HTR4: variants seen among roughly 807,000 people sequenced by gnomAD.
HTR4 encodes the protein 5-hydroxytryptamine receptor 4, also known as 5-hydroxytryptamine (serotonin) receptor 4, G protein-coupled.
HTR4 carries 16 observed loss-of-function variants against 36.8 expected under a neutral mutation model. That is an observed-to-expected ratio of 0.43 (90% confidence interval 0.29 to 0.66). HTR4 has a LOEUF of 0.66. Ranked by LOEUF, HTR4 falls within the 30% of genes least tolerant of loss-of-function variation. The pLI is 0.13. For synonymous variants in HTR4, 189 were observed against 185.1 expected (o/e 1.02, Z -0.17); for missense variants, 438 against 490.9 (o/e 0.89, Z 1.02).
chr5:148,517,098 T>C (rs1365077916), intron 5 of HTR4, among the ~76,000 whole-genome samples: 1 of 152,202 alleles, frequency 6.6e-6, no homozygotes, highest in African/African-American at 2.4e-5. Flanking sequence ...ATTCAGTATG[T>C]TTTATTTAGC....
At chr5:148,480,115 T>A (rs80092883), downstream of HTR4, among the ~76,000 whole-genome samples, 5,439 of 152,304 alleles carry the variant, frequency 0.036, 164 homozygotes, top group South Asian at 0.11. Flanking sequence ...ATGGTCCAAG[T>A]ATTTTCTTCT....
At chr5:148,470,660 G>A (rs554683819) in intron 5 of HTR4, among the ~76,000 whole-genome samples, 1 of 152,272 alleles carries the variant, frequency 6.6e-6, no homozygotes, top group Admixed American at 6.5e-5. Context: ...TTGGCCCACA[G>A]AGCTGTAGTT....
rs111505257 is a variant in HTR4, at chr5:148,466,131, A to C, written c.1077-14859T>G. Among the ~76,000 whole-genome samples, 8 of 152,308 alleles carry C rather than the reference A, an allele frequency of 5.3e-5. 1 individual carries two copies. The highest frequency in any genetic ancestry group is 1.9e-4 in the African/African-American group (8 of 41,562). ...ATGGTTATGCCACAGTGTACGTCTAAAAAGCACACTTAAGTTAGTGTTTCA... is the reference window on the plus strand; with the variant it reads ...ATGGTTATGCCACAGTGTACGTCTACAAAGCACACTTAAGTTAGTGTTTCA... On this transcript the variant is annotated intron_variant, in intron 5 of 5. Transcript: ENST00000521530.
chr5:148,556,123 A>G (rs1272428197), intron 2 of HTR4, among the ~76,000 whole-genome samples: 1 of 152,156 alleles, frequency 6.6e-6, no homozygotes, highest in Non-Finnish European at 1.5e-5. Flanking sequence ...TCCTGGGTTC[A>G]AGTGATTCTC....
At chr5:148,503,315 A>C (rs538406634) in intron 6 of HTR4, among the ~76,000 whole-genome samples, 33 of 152,356 alleles carry the variant, frequency 2.2e-4, no homozygotes, top group African/African-American at 7.5e-4. Flanking sequence ...TCTACAAGCC[A>C]GAAGAGGGTG....
At chr5:148,594,089 C>T (rs1292862390) in intron 2 of HTR4, among the ~76,000 whole-genome samples, 1 of 152,068 alleles carries the variant, frequency 6.6e-6, no homozygotes, top group Non-Finnish European at 1.5e-5. Context: ...CAACAATATT[C>T]TTCTTTTTAG....
At chr5:148,546,035 T>G (rs1258195319) in intron 4 of HTR4, among the ~76,000 whole-genome samples, 1 of 152,140 alleles carries the variant, frequency 6.6e-6, no homozygotes, top group Non-Finnish European at 1.5e-5. Context: ...TAGGATCTCT[T>G]TAGGAAAGAA....
chr5:148,502,199 C>T (rs772899731), intron 6 of HTR4, among the ~76,000 whole-genome samples: 1 of 152,332 alleles, frequency 6.6e-6, no homozygotes, highest in South Asian at 2.1e-4. Context: ...AGACTGCCTC[C>T]TCAAGTGGGT....
intron 2 of HTR4, among the ~76,000 whole-genome samples, chr5:148,560,398 A>G (rs908410759): frequency 6.6e-6 from 1 of 152,148 alleles, no homozygotes; most frequent in Non-Finnish European, 1.5e-5. Flanking sequence ...GGTGAAGACC[A>G]AAATTTTACA....
At chr5:148,506,593 A>G (rs1757228040) in intron 6 of HTR4, among the ~76,000 whole-genome samples, 1 of 152,186 alleles carries the variant, frequency 6.6e-6, no homozygotes, top group African/African-American at 2.4e-5. Flanking sequence ...GGCAACCTAC[A>G]GAATGGGAGA....
intron 2 of HTR4, among the ~76,000 whole-genome samples, chr5:148,622,895 C>A (rs896779654): frequency 1.3e-5 from 2 of 152,152 alleles, no homozygotes; most frequent in Admixed American, 1.3e-4. Flanking sequence ...GAATATTTGT[C>A]ATTTCATAAA....
chr5:148,550,585 A>T (rs757470221), intron 2 of HTR4, among the ~76,000 whole-genome samples: 2 of 152,124 alleles, frequency 1.3e-5, no homozygotes, highest in Non-Finnish European at 1.5e-5. Flanking sequence ...TTGTGCACCT[A>T]CTCAACTAGA....
At chr5:148,591,933 C>A (rs1052231229) in intron 2 of HTR4, among the ~76,000 whole-genome samples, 3 of 152,038 alleles carry the variant, frequency 2.0e-5, no homozygotes, top group Admixed American at 2.0e-4. Context: ...TTTGACCCAG[C>A]AATCCCATTA....
rs529668445 is a variant in HTR4 at position 148,511,619 on chromosome 5, TTGTGTGTGTGTGTG to T, written c.508-1609_508-1596del. On this transcript the variant is annotated intron_variant, in intron 5 of 6. Coordinates refer to ENST00000377888, the MANE Select transcript of HTR4 (RefSeq NM_000870.7). The stretch of plus-strand genomic sequence containing the variant: ...CTGTTATGAATATTCTTGTGGAAGT[TTGTGTGTGTGTGTG>T]TGTGTGTGTGTGTGTGTGTGTGTGT... 6.5e-5 allele frequency among the ~76,000 whole-genome samples: 9 copies of T among 139,346 alleles called. No homozygotes were observed. In the East Asian group the frequency reaches 1.1e-3, roughly 16 times the overall value. The allele number at this position is 139,346 out of a possible 152,430, so 91.4% of individuals were successfully genotyped here.
At chr5:148,559,252 C>T (rs1346026427) in intron 2 of HTR4, among the ~76,000 whole-genome samples, 3 of 152,058 alleles carry the variant, frequency 2.0e-5, no homozygotes, top group Non-Finnish European at 4.4e-5. Context: ...GCTTTTACAC[C>T]ATGGTAAAGT....
At chr5:148,578,215 G>C (rs923585958) in intron 2 of HTR4, among the ~76,000 whole-genome samples, 1 of 151,930 alleles carries the variant, frequency 6.6e-6, no homozygotes, top group South Asian at 2.1e-4. Context: ...TGTATTTGTC[G>C]TGCTTTGTTT....
chr5:148,640,171 T>C (rs1345121804), intron 1 of HTR4, among the ~76,000 whole-genome samples: 1 of 152,240 alleles, frequency 6.6e-6, no homozygotes, highest in Non-Finnish European at 1.5e-5. Flanking sequence ...CATCTTATTA[T>C]ACGTCCTCCC....
At chr5:148,499,432 A>G (rs1222971030) in intron 6 of HTR4, among the ~76,000 whole-genome samples, 1 of 152,140 alleles carries the variant, frequency 6.6e-6, no homozygotes, top group African/African-American at 2.4e-5. Context: ...CTAGAAATTT[A>G]TCTTACATTT....
chr5:148,593,188 T>G (rs1761639402), intron 2 of HTR4, among the ~76,000 whole-genome samples: 1 of 152,188 alleles, frequency 6.6e-6, no homozygotes. Flanking sequence ...AGTTCCTCTT[T>G]CATGGGACTT....
Sources: allele counts gnomAD v4.1 joint callset (sites outside exome capture counted in the v4.1 genomes callset), GRCh38; gene constraint gnomAD v4.1.1; transcripts MANE v1.5; gene names NCBI Gene and HGNC (gene_info 2026-07-23, HGNC 2026-07-21).